Variants in RCC2 observed in about 807,000 individuals in gnomAD.
RCC2 encodes regulator of chromosome condensation 2.
A neutral mutation model predicts 64.1 loss-of-function variants in RCC2; 19 were observed. The observed-to-expected ratio is 0.30, with a 90% CI of 0.21 to 0.44. The LOEUF (loss-of-function observed/expected upper bound fraction) is 0.44. Among genes scored for constraint, RCC2 ranks in the 20% least tolerant of loss-of-function variants. The pLI is 1.00. For missense variants in RCC2, 508 were observed against 710.4 expected (o/e 0.72, Z 3.24); for synonymous variants, 325 against 279.6 (o/e 1.16, Z -1.62).
At chr1:17,422,492 G>A (rs1045611441) in intron 5 of RCC2, among the ~76,000 whole-genome samples, 2 of 152,184 alleles carry the variant, frequency 1.3e-5, no homozygotes, top group African/African-American at 4.8e-5. Flanking sequence ...GAAACAGAGG[G>A]CAGCGTCTCC....
At chr1:17,416,341 T>C (rs2100360764) in intron 8 of RCC2, 139 bp downstream of exon 8, 1 of 924,682 alleles carries the variant, frequency 1.1e-6, no homozygotes, top group Admixed American at 2.8e-5. Context: ...TTGGCCAAGG[T>C]GCAAAGCCCT....
chr1:17,425,461 C>G, intron 4 of RCC2, 80 bp downstream of exon 4: 3 of 1,399,980 alleles, frequency 2.1e-6, no homozygotes, highest in Non-Finnish European at 1.9e-6. Context: ...AGTCTCTTTT[C>G]CAGGCAAACA....
At chr1:17,410,271 AG>A (rs752129388) in intron 11 of RCC2, among the ~76,000 whole-genome samples, 2 of 152,202 alleles carry the variant, frequency 1.3e-5, no homozygotes, top group South Asian at 2.1e-4. Flanking sequence ...GCTTAACCTA[AG>A]GAAGACCAAG....
At position 17,413,728 on chromosome 1, in the gene RCC2, A is replaced by G; in HGVS notation, c.1027-11T>C. On this transcript the variant is annotated splice_polypyrimidine_tract_variant and intron_variant, in intron 8 of 12. Transcript: ENST00000375436. ...GGAGTCCAGGACCAGCTGCAAGGAA[A>G]GAAAACACAGGGTTGGAACAAACAG... 6.2e-7 allele frequency: 1 copy of G among 1,605,156 alleles called. No homozygotes were observed. The highest frequency in any genetic ancestry group is 8.5e-7 in the Non-Finnish European group (1 of 1,176,224).
intron 2 of RCC2, 89 bp from the exon 3 acceptor site, chr1:17,429,288 A>G: frequency 2.0e-6 from 2 of 1,015,864 alleles, no homozygotes; most frequent in Non-Finnish European, 3.1e-6. Context: ...GAAACGAAAG[A>G]AAATCATTCA....
At position 17,416,664 on chromosome 1, in the gene RCC2, C is replaced by A. The variant is rs747072992; in HGVS notation, c.860-18G>T. On this transcript the variant is annotated intron_variant, in intron 7 of 12. Transcript: ENST00000375436. ...GTTGTGTCCTGTAGAGACCACAGAGCCGGCCATCAGCAGCAGCACAAGCAC... is the reference window on the plus strand; with the variant it reads ...GTTGTGTCCTGTAGAGACCACAGAGACGGCCATCAGCAGCAGCACAAGCAC... 7 of 1,596,550 alleles carry A rather than the reference C, an allele frequency of 4.4e-6. No homozygotes were observed. In the African/African-American group the frequency reaches 8.0e-5, roughly 18 times the overall value.
At position 17,408,825 on chromosome 1, in the gene RCC2, G is replaced by T; in HGVS notation, c.*265C>A. 2.5e-6 allele frequency: 1 copy of T among 400,332 alleles called. No individual in the cohort carries two copies. The highest frequency in any genetic ancestry group is 4.5e-6 in the Non-Finnish European group (1 of 224,592). The allele number at this position is 400,332 out of a possible 1,614,324, so 24.8% of individuals were successfully genotyped here. A position where few individuals can be genotyped will look rare whatever the true frequency, so the allele number is the denominator to read the frequency against. Reference sequence around the variant, plus strand: ...AAAACCTAGATTGCTCAAAGTTTCTGCCTCTTTTGTAGGAATGGTAAATCA... The same window carrying T: ...AAAACCTAGATTGCTCAAAGTTTCTTCCTCTTTTGTAGGAATGGTAAATCA... On this transcript the variant is annotated 3_prime_UTR_variant, in exon 13 of 13. Coordinates refer to ENST00000375436, the MANE Select transcript of RCC2 (RefSeq NM_018715.4).
intron 4 of RCC2, 65 bp from the exon 5 acceptor site, chr1:17,422,901 G>A (rs2075570862): frequency 1.9e-6 from 3 of 1,597,452 alleles, no homozygotes; most frequent in Non-Finnish European, 2.6e-6. Context: ...ACCAGGAGAA[G>A]GCGAGTACAA....
intron 2 of RCC2, among the ~76,000 whole-genome samples, chr1:17,431,499 C>CCAA (rs1491306225): frequency 1.7e-5 from 1 of 57,904 alleles, no homozygotes; most frequent in African/African-American, 7.5e-5. Flanking sequence ...AGCCCTGTCT[C>CCAA]AAAAAAAAAA....
chr1:17,418,930 C>T (rs2075520780), intron 7 of RCC2, among the ~76,000 whole-genome samples: 1 of 152,182 alleles, frequency 6.6e-6, no homozygotes, highest in Admixed American at 6.5e-5. Flanking sequence ...TTGGTGACTG[C>T]TTTTTCCACC....
intron 1 of RCC2, among the ~76,000 whole-genome samples, chr1:17,438,991 C>G (rs2075776137): frequency 6.6e-6 from 1 of 151,066 alleles, no homozygotes; most frequent in Non-Finnish European, 1.5e-5. Flanking sequence ...TCCGCAGTCT[C>G]CCCCCAAACC....
chr1:17,424,351 C>T (rs574631969), intron 4 of RCC2, among the ~76,000 whole-genome samples: 23 of 152,300 alleles, frequency 1.5e-4, no homozygotes, highest in African/African-American at 4.3e-4. Flanking sequence ...AGAGCCACCA[C>T]GCAAGTGAAG....
intron 2 of RCC2, 149 bp from the exon 3 acceptor site, chr1:17,429,348 A>G (rs1336140177): frequency 1.6e-6 from 1 of 644,996 alleles, no homozygotes; most frequent in Non-Finnish European, 2.7e-6. Context: ...GTCTCCCCAC[A>G]CTCCCCTCCC....
At chr1:17,433,604 G>A (rs928197855) in intron 2 of RCC2, among the ~76,000 whole-genome samples, 1 of 152,178 alleles carries the variant, frequency 6.6e-6, no homozygotes, top group Non-Finnish European at 1.5e-5. Context: ...TCTGCCCAAT[G>A]AGATGAGTGA....
At chr1:17,412,066 C>T in intron 11 of RCC2, 56 bp downstream of exon 11, 1 of 1,508,718 alleles carries the variant, frequency 6.6e-7, no homozygotes, top group Non-Finnish European at 9.2e-7. Context: ...ACCCAAAGGC[C>T]ATGAGCCACC....
intron 2 of RCC2, among the ~76,000 whole-genome samples, chr1:17,432,351 C>T (rs899393067): frequency 6.6e-6 from 1 of 152,156 alleles, no homozygotes; most frequent in Non-Finnish European, 1.5e-5. Flanking sequence ...GAAGGAGAGG[C>T]CTCTGGGTCC....
chr1:17,439,312 T>C (rs1448809089), intron 1 of RCC2, among the ~76,000 whole-genome samples: 1 of 147,696 alleles, frequency 6.8e-6, no homozygotes, highest in Non-Finnish European at 1.5e-5. Context: ...CCGGCGTCCC[T>C]GCGCTCTCCC....
chr1:17,436,292 C>G (rs2075734642), intron 2 of RCC2, among the ~76,000 whole-genome samples: 2 of 151,990 alleles, frequency 1.3e-5, no homozygotes, highest in Admixed American at 6.6e-5. Context: ...TCACTTGAGG[C>G]CAGCAGTTTG....
At chr1:17,427,290 G>A (rs1401325288) in intron 3 of RCC2, among the ~76,000 whole-genome samples, 3 of 152,196 alleles carry the variant, frequency 2.0e-5, no homozygotes. Flanking sequence ...CCCTCATTCA[G>A]GTGTGGGGGC....
Sources: allele counts gnomAD v4.1 joint callset (sites outside exome capture counted in the v4.1 genomes callset), GRCh38; gene constraint gnomAD v4.1.1; transcripts MANE v1.5; gene names NCBI Gene and HGNC (gene_info 2026-07-23, HGNC 2026-07-21).